Variants in CSMD1 observed in about 807,000 individuals in gnomAD.
The protein encoded by CSMD1 is CUB and sushi domain-containing protein 1.
CSMD1 carries 213 observed loss-of-function variants against 417.5 expected under a neutral mutation model. The observed-to-expected ratio is 0.51, with a 90% CI of 0.46 to 0.57. The LOEUF is 0.57. Among genes scored for constraint, CSMD1 ranks in the 20% least tolerant of loss-of-function variants. The pLI is 0.00. For synonymous variants in CSMD1, 2,862 were observed against 1,736.8 expected (o/e 1.65, Z -16.11); for missense variants, 6,923 against 4,529.7 (o/e 1.53, Z -15.17).
chr8:3,113,176 G>A (rs572464393), intron 42 of CSMD1: 2 of 152,358 alleles, frequency 1.3e-5, no homozygotes, highest in Admixed American at 1.3e-4. Context: ...AGGAAGCTCT[G>A]CGTGGAGCAC....
At chr8:3,009,948 G>C (rs994981800) in intron 52 of CSMD1, among the ~76,000 whole-genome samples, 3 of 152,074 alleles carry the variant, frequency 2.0e-5, no homozygotes, top group African/African-American at 4.8e-5. Flanking sequence ...ACTGTCTTTG[G>C]GGCTTTCAGC....
intron 1 of CSMD1, among the ~76,000 whole-genome samples, chr8:4,809,843 C>A (rs7843673): frequency 0.068 from 10,276 of 152,188 alleles, 595 homozygotes; most frequent in East Asian, 0.24. Flanking sequence ...TGCATGTCTA[C>A]AACTCAACAG....
chr8:3,195,192 C>T (rs1173661152), intron 33 of CSMD1, among the ~76,000 whole-genome samples: 2 of 152,146 alleles, frequency 1.3e-5, no homozygotes, highest in South Asian at 2.1e-4. Context: ...GGATGAGGTA[C>T]TCTCCAACAT....
At chr8:3,932,875 G>T (rs1810248495) in intron 5 of CSMD1, among the ~76,000 whole-genome samples, 2 of 149,988 alleles carry the variant, frequency 1.3e-5, no homozygotes. Flanking sequence ...AAAGTTAAAT[G>T]TTTTTGAATT....
At chr8:3,068,680 G>A (rs1413234802) in intron 49 of CSMD1, among the ~76,000 whole-genome samples, 2 of 152,034 alleles carry the variant, frequency 1.3e-5, no homozygotes, top group African/African-American at 4.8e-5. Context: ...CTTCTCACAC[G>A]GCCAGAAGAG....
chr8:4,976,560 T>TTG (rs1298829060), intron 1 of CSMD1, among the ~76,000 whole-genome samples: 3 of 152,190 alleles, frequency 2.0e-5, no homozygotes, highest in Non-Finnish European at 4.4e-5. Context: ...TGGGACTGAT[T>TTG]TGTTGTTAGT....
chr8:4,642,508 G>C (rs1803260272), intron 1 of CSMD1, among the ~76,000 whole-genome samples: 1 of 152,146 alleles, frequency 6.6e-6, no homozygotes, highest in Admixed American at 6.5e-5. Context: ...GATCCAAACT[G>C]ATTCACTGTG....
chr8:4,749,982 C>G (rs934779971), intron 1 of CSMD1, among the ~76,000 whole-genome samples: 7 of 151,524 alleles, frequency 4.6e-5, no homozygotes, highest in African/African-American at 1.7e-4. Context: ...TAATAAAACC[C>G]TTGTTTAATT....
At chr8:4,944,999 AC>A (rs1808274737) in intron 1 of CSMD1, among the ~76,000 whole-genome samples, 1 of 152,220 alleles carries the variant, frequency 6.6e-6, no homozygotes, top group Non-Finnish European at 1.5e-5. Flanking sequence ...GGTGGAACCA[AC>A]CCGTGTCCCT....
chr8:4,966,015 T>C (rs1438062418), intron 1 of CSMD1, among the ~76,000 whole-genome samples: 1 of 152,054 alleles, frequency 6.6e-6, no homozygotes, highest in Non-Finnish European at 1.5e-5. Flanking sequence ...TGAAGGATAC[T>C]TTATGATATG....
intron 1 of CSMD1, among the ~76,000 whole-genome samples, chr8:4,798,779 G>A (rs1798120466): frequency 6.6e-6 from 1 of 152,120 alleles, no homozygotes; most frequent in South Asian, 2.1e-4. Flanking sequence ...CTCATTAGTA[G>A]AACTTCAAAA....
intron 3 of CSMD1, among the ~76,000 whole-genome samples, chr8:4,363,708 G>A (rs529958466): frequency 6.3e-4 from 96 of 152,252 alleles, no homozygotes; most frequent in African/African-American, 2.2e-3. Context: ...ACTTAACAAA[G>A]TGACTTCTAG....
intron 1 of CSMD1, among the ~76,000 whole-genome samples, chr8:4,680,500 T>C (rs577149833): frequency 2.2e-4 from 34 of 152,144 alleles, no homozygotes; most frequent in South Asian, 6.2e-4. Context: ...CATTAAATTA[T>C]AGAGAGGGAG....
In CSMD1 at chr8:3,692,717, G is replaced by C. The variant is rs976327658; in HGVS notation, c.1009+15697C>G. Among the ~76,000 whole-genome samples, 7 of 152,140 alleles carry C rather than the reference G, an allele frequency of 4.6e-5. No individual in the cohort carries two copies. The South Asian group carries it at 1.4e-3, about 31-fold the overall frequency. Reference sequence around the variant, plus strand: ...AGAAGTGCTGGGATTACAGGCATAAGCCACCACGCCTGGCCACAACAATTT... The same window carrying C: ...AGAAGTGCTGGGATTACAGGCATAACCCACCACGCCTGGCCACAACAATTT... On this transcript the variant is annotated intron_variant, in intron 7 of 69. Transcript: ENST00000635120.
chr8:3,651,320 C>A (rs1797845040), intron 7 of CSMD1, among the ~76,000 whole-genome samples: 1 of 152,134 alleles, frequency 6.6e-6, no homozygotes, highest in Admixed American at 6.5e-5. Context: ...ATTCATAAAA[C>A]CAGACAAGAT....
intron 1 of CSMD1, among the ~76,000 whole-genome samples, chr8:4,767,101 T>A (rs532199704): frequency 1.3e-5 from 2 of 152,168 alleles, no homozygotes; most frequent in African/African-American, 2.4e-5. Flanking sequence ...ACTTTTTATA[T>A]CTAAAAATGA....
intron 49 of CSMD1, among the ~76,000 whole-genome samples, chr8:3,066,706 C>T (rs1167777720): frequency 1.3e-5 from 2 of 152,112 alleles, no homozygotes; most frequent in Admixed American, 1.3e-4. Context: ...AGACTGAAGG[C>T]TGGTCATAAG....
chr8:3,539,304 C>G (rs992362296), intron 10 of CSMD1, among the ~76,000 whole-genome samples: 1 of 152,174 alleles, frequency 6.6e-6, no homozygotes, highest in Non-Finnish European at 1.5e-5. Flanking sequence ...CTGCCTACCT[C>G]CCACCCCCAA....
intron 3 of CSMD1, among the ~76,000 whole-genome samples, chr8:4,348,607 G>C (rs1179597432): frequency 7.1e-6 from 1 of 140,668 alleles, no homozygotes; most frequent in Non-Finnish European, 1.5e-5. Flanking sequence ...GCGTGGGTGT[G>C]TTGGGGGTGG....
Sources: allele counts gnomAD v4.1 joint callset (sites outside exome capture counted in the v4.1 genomes callset), GRCh38; gene constraint gnomAD v4.1.1; transcripts MANE v1.5; gene names NCBI Gene and HGNC (gene_info 2026-07-23, HGNC 2026-07-21).